The following GPBP1 variants were observed in gnomAD, a reference collection of about 807,000 sequenced individuals.
GPBP1 encodes the protein vasculin.
A neutral mutation model predicts 56.5 loss-of-function variants in GPBP1; 13 were observed. The observed-to-expected ratio is 0.23, with a 90% CI of 0.15 to 0.37. The LOEUF (loss-of-function observed/expected upper bound fraction) is 0.37. Ranked by LOEUF, GPBP1 falls within the 10% of genes least tolerant of loss-of-function variation. GPBP1 has a pLI of 1.00. For missense variants in GPBP1, 477 were observed against 572.3 expected (o/e 0.83, Z 1.70); for synonymous variants, 204 against 188.9 (o/e 1.08, Z -0.66).
chr5:57,199,013 G>A (rs576101645), intron 2 of GPBP1, among the ~76,000 whole-genome samples: 13 of 152,240 alleles, frequency 8.5e-5, no homozygotes, highest in African/African-American at 3.1e-4. Context: ...GATAAAGTAG[G>A]ATTTAATATG....
At chr5:57,221,956 G>A (rs1300324058) in intron 3 of GPBP1, among the ~76,000 whole-genome samples, 1 of 151,980 alleles carries the variant, frequency 6.6e-6, no homozygotes, top group Non-Finnish European at 1.5e-5. Context: ...AGATTTTTTG[G>A]TTTATTGTTT....
At chr5:57,243,241 A>C (rs1355803088) in intron 6 of GPBP1, among the ~76,000 whole-genome samples, 1 of 151,018 alleles carries the variant, frequency 6.6e-6, no homozygotes, top group East Asian at 2.0e-4. Context: ...TAATTTTTGT[A>C]TTTTTAGTAG....
chr5:57,202,907 T>C (rs1168673894), intron 2 of GPBP1, among the ~76,000 whole-genome samples: 1 of 152,220 alleles, frequency 6.6e-6, no homozygotes, highest in Non-Finnish European at 1.5e-5. Flanking sequence ...AAATTAAAAC[T>C]TGCCAATCTT....
At chr5:57,204,576 C>G (rs1045524668) in intron 2 of GPBP1, among the ~76,000 whole-genome samples, 1 of 152,108 alleles carries the variant, frequency 6.6e-6, no homozygotes, top group African/African-American at 2.4e-5. Context: ...AAATTACTTT[C>G]CTTGAATTTA....
intron 2 of GPBP1, among the ~76,000 whole-genome samples, chr5:57,200,774 C>G (rs900504544): frequency 6.6e-6 from 1 of 152,068 alleles, no homozygotes; most frequent in East Asian, 1.9e-4. Context: ...CTTCGCCTCC[C>G]GGGTTCACGC....
chr5:57,218,082 C>A (rs74625842), intron 3 of GPBP1, among the ~76,000 whole-genome samples: 8,104 of 151,956 alleles, frequency 0.053, 307 homozygotes, highest in Non-Finnish European at 0.082. Flanking sequence ...AACAAAAAAA[C>A]CCCACTTTTT....
chr5:57,258,317 G>A (rs1741749206), intron 10 of GPBP1, among the ~76,000 whole-genome samples: 1 of 152,158 alleles, frequency 6.6e-6, no homozygotes, highest in Non-Finnish European at 1.5e-5. Flanking sequence ...TTTTGTCATG[G>A]CGTGAAACTC....
intron 5 of GPBP1, among the ~76,000 whole-genome samples, chr5:57,235,508 C>T (rs1024188870): frequency 2.0e-5 from 3 of 151,426 alleles, no homozygotes; most frequent in Admixed American, 1.3e-4. Flanking sequence ...TGTTTTTTAA[C>T]CCTGACTTTT....
chr5:57,219,398 A>AAACC lies in GPBP1; in HGVS notation c.63+5207_63+5208insCCAA, dbSNP rs1561348244. 1.5e-3 allele frequency among the ~76,000 whole-genome samples: 108 copies of AAACC among 69,744 alleles called. 7 individuals carry two copies. The highest frequency in any genetic ancestry group is 3.2e-3 in the East Asian group (1 of 316). 45.8% of individuals were successfully genotyped at this position (69,744 alleles called of 152,430 possible). ...CTCAAAAAAAAAAAAAAAAAAAAAAAAAAAACCAAAAACAAACAAACAAAA... is the reference window on the plus strand; with the variant it reads ...CTCAAAAAAAAAAAAAAAAAAAAAAAAACCAAAAACCAAAAACAAACAAACAAAA... On this transcript the variant is annotated intron_variant, in intron 3 of 11. Coordinates refer to ENST00000506184, the MANE Select transcript of GPBP1 (RefSeq NM_022913.4).
intron 6 of GPBP1, among the ~76,000 whole-genome samples, chr5:57,244,149 C>T (rs1580067527): frequency 6.6e-6 from 1 of 152,320 alleles, no homozygotes; most frequent in Middle Eastern, 3.4e-3. Flanking sequence ...TGCATTTCTG[C>T]CTTCTACCAT....
In GPBP1 at chr5:57,262,578, G is replaced by T. The variant is rs1741949585; in HGVS notation, c.1264-16G>T. 1.9e-6 allele frequency: 3 copies of T among 1,568,280 alleles called. No individual in the cohort carries two copies. Among genetic ancestry groups the T allele is most frequent in the Non-Finnish European group, 2.6e-6 (3 of 1,139,412 alleles). The stretch of plus-strand genomic sequence containing the variant: ...TCTTGAGGGATAATTTATTTATTTT[G>T]CTGTTAACATTTTAGTTACAGAAGA... On this transcript the variant is annotated splice_polypyrimidine_tract_variant and intron_variant, in intron 11 of 11. Transcript: ENST00000506184.
At chr5:57,210,675 AT>A (rs1755437927) in intron 2 of GPBP1, among the ~76,000 whole-genome samples, 1 of 152,192 alleles carries the variant, frequency 6.6e-6, no homozygotes, top group Non-Finnish European at 1.5e-5. Flanking sequence ...CCATAACCAA[AT>A]ACCACAGACT....
intron 3 of GPBP1, among the ~76,000 whole-genome samples, chr5:57,215,432 G>A (rs569190076): frequency 2.6e-5 from 4 of 152,280 alleles, no homozygotes; most frequent in East Asian, 1.9e-4. Context: ...AAACCCATCC[G>A]TTAGGCTCCA....
At chr5:57,175,152 A>G (rs966698671) in intron 1 of GPBP1, among the ~76,000 whole-genome samples, 2 of 152,254 alleles carry the variant, frequency 1.3e-5, no homozygotes. Flanking sequence ...AAGAAGTATA[A>G]GAAGGTTTGC....
At chr5:57,218,577 C>T (rs1755798406) in intron 3 of GPBP1, among the ~76,000 whole-genome samples, 1 of 151,970 alleles carries the variant, frequency 6.6e-6, no homozygotes, top group South Asian at 2.1e-4. Flanking sequence ...AAGTTCATAC[C>T]CTCTAATCAC....
At chr5:57,211,959 C>T (rs1755505301) in intron 2 of GPBP1, among the ~76,000 whole-genome samples, 1 of 151,050 alleles carries the variant, frequency 6.6e-6, no homozygotes, top group Non-Finnish European at 1.5e-5. Context: ...TTTTTTGAGA[C>T]AGAGTCTTCC....
chr5:57,199,337 A>G (rs1250994363), intron 2 of GPBP1, among the ~76,000 whole-genome samples: 1 of 152,142 alleles, frequency 6.6e-6, no homozygotes, highest in East Asian at 1.9e-4. Context: ...AACTGGGACT[A>G]GACATTGGGA....
At chr5:57,243,687 G>A (rs1430638413) in intron 6 of GPBP1, among the ~76,000 whole-genome samples, 1 of 150,100 alleles carries the variant, frequency 6.7e-6, no homozygotes, top group Non-Finnish European at 1.5e-5. Flanking sequence ...CATGTCTTCT[G>A]CTTCCTTGTT....
Position 57,185,470 on chromosome 5 carries a change from T to C in GPBP1, c.-58+9070T>C, listed in dbSNP as rs1445718643. ...TTTTAGTAGAAACGGGGTTTCATCA[T>C]ATTGGTCAGGTTGGTCTGGAACTCC... On this transcript the variant is annotated intron_variant, in intron 2 of 11. Transcript: ENST00000506184. Among the ~76,000 whole-genome samples, 6 of 152,098 alleles carry C rather than the reference T, an allele frequency of 3.9e-5. No individual in the cohort carries two copies. In the East Asian group the frequency reaches 1.2e-3, roughly 29 times the overall value.
Sources: gnomAD v4.1 joint callset for allele counts (sites outside exome capture counted in the v4.1 genomes callset) on GRCh38, gnomAD v4.1.1 for gene constraint, MANE v1.5 for transcripts, NCBI Gene and HGNC (gene_info 2026-07-23, HGNC 2026-07-21) for gene names.